MCC: variants seen among roughly 807,000 people sequenced by gnomAD.
MCC encodes the protein colorectal mutant cancer protein.
In MCC, 90 loss-of-function variants were observed where a neutral mutation model predicts 116.2. That is an observed-to-expected ratio of 0.77 (90% confidence interval 0.65 to 0.92). The LOEUF is 0.92. Ranked by LOEUF, MCC falls within the 40% of genes least tolerant of loss-of-function variation. MCC has a pLI of 0.00. For synonymous variants in MCC, 578 were observed against 510.5 expected, an observed-to-expected ratio of 1.13 and a Z score of -1.78; for missense variants, 1,516 against 1,312.2, an observed-to-expected ratio of 1.16 and a Z score of -2.40.
intron 1 of MCC, among the ~76,000 whole-genome samples, chr5:113,462,192 T>C (rs1466166830): frequency 6.6e-6 from 1 of 152,244 alleles, no homozygotes. Context: ...TCTGGCCTTC[T>C]GGAACCATCC....
intron 8 of MCC, among the ~76,000 whole-genome samples, chr5:113,100,948 G>C (rs564770511): frequency 3.9e-5 from 6 of 152,292 alleles, no homozygotes; most frequent in Non-Finnish European, 7.3e-5. Flanking sequence ...TTCACCCCCA[G>C]TCCAATCACA....
chr5:113,126,923 C>T (rs1234080480), intron 5 of MCC, among the ~76,000 whole-genome samples: 4 of 151,994 alleles, frequency 2.6e-5, no homozygotes, highest in South Asian at 4.2e-4. Context: ...GGGTTTGTTA[C>T]GCAGGTAAAC....
chr5:113,401,368 A>G (rs1769682121), intron 1 of MCC, among the ~76,000 whole-genome samples: 1 of 152,154 alleles, frequency 6.6e-6, no homozygotes, highest in South Asian at 2.1e-4. Flanking sequence ...AGATAAAGCA[A>G]AATTTTTCAC....
intron 3 of MCC, among the ~76,000 whole-genome samples, chr5:113,204,082 A>C (rs549237015): frequency 6.6e-6 from 1 of 152,292 alleles, no homozygotes; most frequent in Non-Finnish European, 1.5e-5. Flanking sequence ...TGAGATGAAT[A>C]AGAGGAATGA....
rs1753405320 is a variant in MCC, at chr5:113,063,990, TG to T, written c.2206del (p.His736ThrfsTer24). 1 of 1,611,958 alleles carries T rather than the reference TG, an allele frequency of 6.2e-7. No homozygotes were observed. Among genetic ancestry groups the T allele is most frequent in the Non-Finnish European group, 8.5e-7 (1 of 1,179,420 alleles). On this transcript the variant is annotated frameshift_variant, in exon 14 of 19. Coordinates refer to ENST00000408903, the MANE Select transcript of MCC (RefSeq NM_001085377.2). LOFTEE classifies it high-confidence loss of function. ...QPWESLSSNS[H>X]TSTTSSTASS... ...GCAGAAGGCTGAGCATTACCTGGTG[TG>T]GCTGTTGGAGGAAAGGCTCTCCCAG... is the stretch of plus-strand genomic sequence containing the variant.
chr5:113,128,617 G>A (rs1758235873), intron 5 of MCC, among the ~76,000 whole-genome samples: 1 of 152,142 alleles, frequency 6.6e-6, no homozygotes, highest in African/African-American at 2.4e-5. Flanking sequence ...ATGGGATTTT[G>A]AAATGCTCTC....
chr5:113,306,737 C>G (rs1047412409), intron 3 of MCC, among the ~76,000 whole-genome samples: 1 of 152,008 alleles, frequency 6.6e-6, no homozygotes, highest in Non-Finnish European at 1.5e-5. Context: ...TCCAATTTAT[C>G]TATTTTTTCT....
At chr5:113,344,595 C>G (rs1376170652) in intron 2 of MCC, among the ~76,000 whole-genome samples, 1 of 151,850 alleles carries the variant, frequency 6.6e-6, no homozygotes, top group African/African-American at 2.4e-5. Flanking sequence ...TGGAAACCAG[C>G]TCAGCCATAA....
chr5:113,068,872 A>T (rs1753817501), intron 12 of MCC, among the ~76,000 whole-genome samples: 1 of 152,144 alleles, frequency 6.6e-6, no homozygotes, highest in Admixed American at 6.6e-5. Flanking sequence ...CTCACAAGAG[A>T]CCCTGAACCA....
At chr5:113,146,275 T>A (rs916159933) in intron 4 of MCC, among the ~76,000 whole-genome samples, 17 of 152,362 alleles carry the variant, frequency 1.1e-4, no homozygotes, top group Admixed American at 9.8e-4. Flanking sequence ...ACTGAAAGAA[T>A]CCCAGACTTC....
At chr5:113,048,115 C>A (rs1451211756) in intron 16 of MCC, among the ~76,000 whole-genome samples, 1 of 152,142 alleles carries the variant, frequency 6.6e-6, no homozygotes, top group African/African-American at 2.4e-5. Context: ...TTCTTTGAGC[C>A]TCATTTTTCT....
At chr5:113,083,920 A>AT (rs1755028971) in intron 10 of MCC, among the ~76,000 whole-genome samples, 181 bp downstream of exon 10, 1 of 152,254 alleles carries the variant, frequency 6.6e-6, no homozygotes, top group African/African-American at 2.4e-5. Context: ...GTAATTCACC[A>AT]TATGGATGGA....
intron 6 of MCC, among the ~76,000 whole-genome samples, chr5:113,105,625 T>C (rs1756684314): frequency 6.6e-6 from 1 of 152,130 alleles, no homozygotes; most frequent in Non-Finnish European, 1.5e-5. Flanking sequence ...CTAAATCCAA[T>C]TCATCTTGTG....
chr5:113,024,212 T>C lies in MCC; in HGVS notation c.*3090A>G, dbSNP rs1750368463. The C allele has an allele frequency of 6.6e-6, 1 of 152,124 alleles. No individual in the cohort carries two copies. The highest frequency in any genetic ancestry group is 1.5e-5 in the Non-Finnish European group (1 of 67,986). 9.4% of individuals were successfully genotyped at this position (152,124 alleles called of 1,614,324 possible). A position where few individuals can be genotyped will look rare whatever the true frequency, so the allele number is the denominator to read the frequency against. The stretch of plus-strand genomic sequence containing the variant: ...TGCATCTGAAAGGAGAATTAAGCAA[T>C]TTTAAAAGTTAAGTGCTAGTTAAAC... On this transcript the variant is annotated 3_prime_UTR_variant, in exon 19 of 19. Coordinates refer to ENST00000408903, the MANE Select transcript of MCC (RefSeq NM_001085377.2).
intron 1 of MCC, among the ~76,000 whole-genome samples, chr5:113,429,939 C>T (rs1037690935): frequency 2.6e-5 from 4 of 152,158 alleles, no homozygotes; most frequent in African/African-American, 9.7e-5. Context: ...ATCAAGGTCA[C>T]GTCTTTGTAC....
At chr5:113,289,202 G>A (rs1454042593) in intron 3 of MCC, among the ~76,000 whole-genome samples, 2 of 151,738 alleles carry the variant, frequency 1.3e-5, no homozygotes, top group Non-Finnish European at 2.9e-5. Flanking sequence ...GTGGTGGCAC[G>A]TGCCTGTAAT....
At chr5:113,192,060 C>G (rs1330859384) in intron 3 of MCC, among the ~76,000 whole-genome samples, 1 of 152,132 alleles carries the variant, frequency 6.6e-6, no homozygotes, top group Non-Finnish European at 1.5e-5. Flanking sequence ...GTTTTCCCCC[C>G]ACTACAGAAC....
intron 3 of MCC, among the ~76,000 whole-genome samples, chr5:113,163,308 A>G (rs1011464177): frequency 6.6e-6 from 1 of 152,194 alleles, no homozygotes; most frequent in Non-Finnish European, 1.5e-5. Flanking sequence ...AATCAAAAAT[A>G]ATAAGTTTTT....
chr5:113,163,064 C>A (rs946850554), intron 3 of MCC, among the ~76,000 whole-genome samples: 7 of 152,182 alleles, frequency 4.6e-5, no homozygotes, highest in African/African-American at 1.2e-4. Context: ...CAGGCAAACA[C>A]ATTCATCCTA....
Sources: allele counts gnomAD v4.1 joint callset (sites outside exome capture counted in the v4.1 genomes callset), GRCh38; gene constraint gnomAD v4.1.1; transcripts MANE v1.5; gene names NCBI Gene and HGNC (gene_info 2026-07-23, HGNC 2026-07-21).